The following RANBP17 variants were observed in gnomAD, a reference collection of about 807,000 sequenced individuals.
RANBP17 encodes RAN binding protein 17.
A neutral mutation model predicts 141.2 loss-of-function variants in RANBP17; 158 were observed. The ratio of observed to expected loss-of-function variants is 1.12; its 90% CI spans 0.98 to 1.28. RANBP17 has a LOEUF of 1.28. RANBP17 is among the 50% of genes most tolerant of loss of function. RANBP17 has a pLI of 0.00. For missense variants in RANBP17, 1,438 were observed against 1,290.7 expected (o/e 1.11, Z -1.75); for synonymous variants, 430 against 450.0 (o/e 0.96, Z 0.56).
intron 14 of RANBP17, among the ~76,000 whole-genome samples, chr5:171,148,454 ATAT>A (rs1758230850): frequency 6.6e-6 from 1 of 152,208 alleles, no homozygotes; most frequent in African/African-American, 2.4e-5. Flanking sequence ...TAGAACCTCA[ATAT>A]TATATGGAAA....
chr5:170,922,110 G>T (rs565438706), intron 11 of RANBP17, among the ~76,000 whole-genome samples: 1 of 151,460 alleles, frequency 6.6e-6, no homozygotes, highest in African/African-American at 2.4e-5. Flanking sequence ...GTTGGAGTTT[G>T]CCGGAGGTCC....
intron 14 of RANBP17, among the ~76,000 whole-genome samples, chr5:171,008,395 C>G (rs1266690597): frequency 1.3e-5 from 2 of 152,072 alleles, no homozygotes; most frequent in Non-Finnish European, 2.9e-5. Context: ...TCCCTCTGAC[C>G]CGGGTCTTTG....
chr5:171,067,612 G>A (rs1225340920), intron 14 of RANBP17, among the ~76,000 whole-genome samples: 1 of 151,720 alleles, frequency 6.6e-6, no homozygotes, highest in African/African-American at 2.4e-5. Context: ...TTTAAATCTA[G>A]GAACGTCTTA....
At chr5:171,084,061 C>G (rs1004752416) in intron 14 of RANBP17, among the ~76,000 whole-genome samples, 2 of 149,796 alleles carry the variant, frequency 1.3e-5, no homozygotes, top group Non-Finnish European at 3.0e-5. Context: ...GCTGCACCCA[C>G]TAACTCGTCA....
intron 12 of RANBP17, among the ~76,000 whole-genome samples, chr5:170,944,347 A>C (rs1048503456): frequency 2.0e-5 from 3 of 152,312 alleles, no homozygotes; most frequent in Non-Finnish European, 4.4e-5. Context: ...GCTCACTGCA[A>C]CCTTTGCCTC....
chr5:171,102,259 A>G (rs940060662), intron 14 of RANBP17, among the ~76,000 whole-genome samples: 3 of 152,078 alleles, frequency 2.0e-5, no homozygotes, highest in African/African-American at 7.2e-5. Context: ...CTTTTCACAT[A>G]GTCCCATATT....
At chr5:171,066,216 A>G (rs932209491) in intron 14 of RANBP17, among the ~76,000 whole-genome samples, 1 of 152,088 alleles carries the variant, frequency 6.6e-6, no homozygotes, top group Non-Finnish European at 1.5e-5. Flanking sequence ...CCAAGCATGC[A>G]ATACATGGTT....
chr5:170,925,792 AT>A (rs34838904), intron 12 of RANBP17, among the ~76,000 whole-genome samples: 91,177 of 151,902 alleles, frequency 0.6, 29,110 homozygotes, highest in South Asian at 0.88. Flanking sequence ...AAATGGAATC[AT>A]ACTGCATTTA....
chr5:170,935,838 T>G (rs572930274), intron 12 of RANBP17, among the ~76,000 whole-genome samples: 1 of 152,304 alleles, frequency 6.6e-6, no homozygotes, highest in African/African-American at 2.4e-5. Flanking sequence ...ACAGGGACGT[T>G]TAAGTCTGCA....
intron 5 of RANBP17, among the ~76,000 whole-genome samples, chr5:170,901,385 T>A (rs1770622794): frequency 6.6e-6 from 1 of 152,198 alleles, no homozygotes; most frequent in Non-Finnish European, 1.5e-5. Flanking sequence ...CATCCCTTTA[T>A]TTTGAGCCTA....
At chr5:170,918,937 T>G in intron 10 of RANBP17, 78 bp downstream of exon 10, 1 of 845,776 alleles carries the variant, frequency 1.2e-6, no homozygotes, top group Non-Finnish European at 1.7e-6. Context: ...TGGGGGTATT[T>G]GAAAAATATC....
intron 25 of RANBP17, among the ~76,000 whole-genome samples, chr5:171,276,120 G>A (rs1025869767): frequency 1.3e-5 from 2 of 152,212 alleles, no homozygotes; most frequent in African/African-American, 2.4e-5. Context: ...CAGCATGAAG[G>A]TGAAAGGTCA....
chr5:171,251,108 A>C (rs1368694112), intron 24 of RANBP17, among the ~76,000 whole-genome samples: 1 of 152,208 alleles, frequency 6.6e-6, no homozygotes, highest in Non-Finnish European at 1.5e-5. Flanking sequence ...TTTTTTTTAG[A>C]GACAGGGTCT....
intron 22 of RANBP17, among the ~76,000 whole-genome samples, chr5:171,228,909 C>G (rs896983258): frequency 6.6e-6 from 1 of 151,746 alleles, no homozygotes; most frequent in East Asian, 1.9e-4. Flanking sequence ...ACAGTGTAAA[C>G]TTTTATATGC....
chr5:171,115,726 A>G (rs1755571148), intron 14 of RANBP17, among the ~76,000 whole-genome samples: 1 of 152,174 alleles, frequency 6.6e-6, no homozygotes, highest in Non-Finnish European at 1.5e-5. Context: ...AGGAAAGGGG[A>G]AGTGGGACTC....
At chr5:171,076,253 G>A (rs1047741720) in intron 14 of RANBP17, among the ~76,000 whole-genome samples, 2 of 152,164 alleles carry the variant, frequency 1.3e-5, no homozygotes, top group Non-Finnish European at 2.9e-5. Context: ...TGTGTTTTGT[G>A]ATAAGATAAT....
intron 12 of RANBP17, among the ~76,000 whole-genome samples, chr5:170,925,250 CTT>C (rs1772823135): frequency 6.6e-6 from 1 of 151,998 alleles, no homozygotes; most frequent in Non-Finnish European, 1.5e-5. Context: ...CCCATTTTAA[CTT>C]AAAAAAATTT....
intron 16 of RANBP17, among the ~76,000 whole-genome samples, 191 bp downstream of exon 16, chr5:171,171,477 C>T (rs1052280505): frequency 3.3e-5 from 5 of 151,900 alleles, no homozygotes; most frequent in Non-Finnish European, 4.4e-5. Context: ...AGCATTTAGT[C>T]GGAATCACTG....
At chr5:170,874,084 C>T (rs1024823278) in intron 1 of RANBP17, among the ~76,000 whole-genome samples, 3 of 152,128 alleles carry the variant, frequency 2.0e-5, no homozygotes, top group East Asian at 1.9e-4. Context: ...TTGATTTCTG[C>T]GTTAATTTCA....
Sources: allele counts gnomAD v4.1 joint callset (sites outside exome capture counted in the v4.1 genomes callset), GRCh38; gene constraint gnomAD v4.1.1; transcripts MANE v1.5; gene names NCBI Gene and HGNC (gene_info 2026-07-23, HGNC 2026-07-21).